Variants in NOS1AP observed in about 807,000 individuals in gnomAD.
NOS1AP encodes nitric oxide synthase 1 adaptor protein.
A neutral mutation model predicts 56.2 loss-of-function variants in NOS1AP; 21 were observed. That is an observed-to-expected ratio of 0.37 (90% CI 0.26 to 0.54). NOS1AP has a LOEUF of 0.54. Among genes scored for constraint, NOS1AP ranks in the 20% least tolerant of loss-of-function variants. NOS1AP has a pLI of 0.84. For synonymous variants in NOS1AP, 270 were observed against 274.6 expected (o/e 0.98, Z 0.17); for missense variants, 522 against 657.8 (o/e 0.79, Z 2.26).
intron 1 of NOS1AP, among the ~76,000 whole-genome samples, chr1:162,123,247 C>A (rs2102054329): frequency 6.6e-6 from 1 of 152,348 alleles, no homozygotes; most frequent in African/African-American, 2.4e-5. Context: ...TCTCAGCTCA[C>A]TGCAACTTCT....
At chr1:162,183,257 G>C (rs755296524) in intron 2 of NOS1AP, among the ~76,000 whole-genome samples, 2 of 152,176 alleles carry the variant, frequency 1.3e-5, no homozygotes, top group Non-Finnish European at 1.5e-5. Flanking sequence ...TGAGCAGTAG[G>C]TTTCAACAGG....
intron 4 of NOS1AP, among the ~76,000 whole-genome samples, chr1:162,313,095 A>T (rs139267833): frequency 1.8e-4 from 27 of 151,896 alleles, no homozygotes; most frequent in African/African-American, 6.5e-4. Context: ...CTCTCTCACC[A>T]CTCCTATTCA....
chr1:162,092,978 C>T (rs541411837), intron 1 of NOS1AP, among the ~76,000 whole-genome samples: 4 of 152,282 alleles, frequency 2.6e-5, no homozygotes, highest in African/African-American at 9.6e-5. Flanking sequence ...TGCAGTTTAT[C>T]TAACACTTTA....
intron 8 of NOS1AP, chr1:162,364,312 G>C: frequency 1.0e-6 from 1 of 985,382 alleles, no homozygotes; most frequent in Non-Finnish European, 1.2e-6. Flanking sequence ...AAGCTACATT[G>C]GTCCAGGCCA....
At chr1:162,244,417 G>T (rs542185922) in intron 2 of NOS1AP, among the ~76,000 whole-genome samples, 1 of 152,284 alleles carries the variant, frequency 6.6e-6, no homozygotes, top group East Asian at 1.9e-4. Flanking sequence ...GTTCTATGTG[G>T]TTTTGAATAA....
intron 6 of NOS1AP, among the ~76,000 whole-genome samples, chr1:162,347,351 G>A (rs1373005206): frequency 1.3e-5 from 2 of 152,358 alleles, no homozygotes; most frequent in South Asian, 2.1e-4. Flanking sequence ...TAACCAGAAA[G>A]TAAAGGATAT....
intron 2 of NOS1AP, among the ~76,000 whole-genome samples, chr1:162,177,462 C>T (rs755474393): frequency 3.3e-5 from 5 of 152,022 alleles, no homozygotes; most frequent in Non-Finnish European, 4.4e-5. Flanking sequence ...AGGTCAGCTG[C>T]GGAGTCTTTC....
intron 2 of NOS1AP, among the ~76,000 whole-genome samples, chr1:162,163,031 G>C (rs778826976): frequency 6.6e-6 from 1 of 152,050 alleles, no homozygotes. Context: ...GCCTGTTTTG[G>C]ACATTTTAAA....
intron 4 of NOS1AP, among the ~76,000 whole-genome samples, chr1:162,309,894 C>T (rs1655969468): frequency 6.6e-6 from 1 of 152,208 alleles, no homozygotes; most frequent in African/African-American, 2.4e-5. Context: ...TCAAAATGTG[C>T]TTATATACAA....
chr1:162,098,102 C>CTT (rs35307081), intron 1 of NOS1AP, among the ~76,000 whole-genome samples: 5,236 of 80,646 alleles, frequency 0.065, 318 homozygotes, highest in African/African-American at 0.12. Context: ...CTCTCTTTTG[C>CTT]TTTTTTTTTT....
intron 1 of NOS1AP, among the ~76,000 whole-genome samples, chr1:162,130,323 G>A (rs1229984850): frequency 1.3e-5 from 2 of 152,208 alleles, no homozygotes; most frequent in Non-Finnish European, 2.9e-5. Context: ...AGGTCTTTCC[G>A]ACATTAGAGA....
intron 4 of NOS1AP, among the ~76,000 whole-genome samples, chr1:162,305,887 G>A (rs1355822850): frequency 3.3e-5 from 5 of 152,144 alleles, no homozygotes; most frequent in South Asian, 4.2e-4. Flanking sequence ...ATTTCTATAG[G>A]TTTCTTTGTT....
intron 8 of NOS1AP, among the ~76,000 whole-genome samples, chr1:162,362,484 GAA>G (rs1657938048): frequency 2.0e-5 from 3 of 150,866 alleles, no homozygotes; most frequent in Admixed American, 2.0e-4. Context: ...AGAAAGAAAA[GAA>G]AAGAAAAGAA....
chr1:162,096,912 C>T (rs1343411864), intron 1 of NOS1AP, among the ~76,000 whole-genome samples: 6 of 152,152 alleles, frequency 3.9e-5, no homozygotes, highest in African/African-American at 1.4e-4. Flanking sequence ...CTCCAAGTCT[C>T]CTTGAGCACA....
intron 2 of NOS1AP, among the ~76,000 whole-genome samples, chr1:162,191,066 C>G (rs4657163): frequency 0.16 from 24,041 of 152,086 alleles, 2,043 homozygotes; most frequent in South Asian, 0.24. Flanking sequence ...GTGGGAGACT[C>G]TGTAAGCAGA....
chr1:162,255,825 T>C (rs1300442195), intron 2 of NOS1AP, among the ~76,000 whole-genome samples: 3 of 152,110 alleles, frequency 2.0e-5, no homozygotes, highest in Non-Finnish European at 4.4e-5. Context: ...CCAGTCTTTA[T>C]GGGTAGGAAT....
At chr1:162,295,040 G>A (rs1417979179) in intron 3 of NOS1AP, among the ~76,000 whole-genome samples, 1 of 152,196 alleles carries the variant, frequency 6.6e-6, no homozygotes, top group East Asian at 1.9e-4. Context: ...GTGGAAGGAG[G>A]TTGAAGACCA....
chr1:162,307,501 T>C (rs1655872533), intron 4 of NOS1AP, among the ~76,000 whole-genome samples: 1 of 152,162 alleles, frequency 6.6e-6, no homozygotes, highest in South Asian at 2.1e-4. Context: ...AATAGTGACA[T>C]GATTAAGAAT....
intron 2 of NOS1AP, among the ~76,000 whole-genome samples, chr1:162,264,462 TCTCCTCCCCTCCCCTCCCCTCCC>T (rs1191227353): frequency 9.7e-4 from 23 of 23,806 alleles, no homozygotes; most frequent in East Asian, 7.2e-3. Context: ...TCTCTTCTCT[TCTCCTCCCCTCCCCTCCCCTCCC>T]CTCTCCTCCT....
Sources: gnomAD v4.1 joint callset for allele counts (sites outside exome capture counted in the v4.1 genomes callset) on GRCh38, gnomAD v4.1.1 for gene constraint, MANE v1.5 for transcripts, NCBI Gene and HGNC (gene_info 2026-07-23, HGNC 2026-07-21) for gene names.